DACH2: variants seen among roughly 807,000 people sequenced by gnomAD.
DACH2 encodes dachshund homolog 2.
Under a neutral mutation model 35.8 loss-of-function variants are expected in DACH2, and 17 were observed. That is an observed-to-expected ratio of 0.48 (90% CI 0.33 to 0.71). DACH2 has a LOEUF of 0.71. Among genes scored for constraint, DACH2 ranks in the 30% least tolerant of loss-of-function variants. The pLI is 0.02. For missense variants in DACH2, 469 were observed against 472.7 expected (o/e 0.99, Z 0.07); for synonymous variants, 195 against 177.3 (o/e 1.10, Z -0.79).
At chrX:86,415,115 A>G (rs1452523243) in intron 2 of DACH2, among the ~76,000 whole-genome samples, 3 of 112,015 alleles carry the variant, frequency 2.7e-5, no homozygotes, top group Non-Finnish European at 5.6e-5. Context: ...AAGATGATAT[A>G]CTTCTTCTTG....
chrX:86,427,077 G>A (rs2148165176), intron 2 of DACH2, among the ~76,000 whole-genome samples: 1 of 111,360 alleles, frequency 9.0e-6, no homozygotes, highest in South Asian at 3.7e-4. Context: ...TTCAAAAGGA[G>A]TCAGTCCGGA....
At chrX:86,152,674 C>A (rs749088630) in intron 1 of DACH2, among the ~76,000 whole-genome samples, 1 of 111,686 alleles carries the variant, frequency 9.0e-6, no homozygotes, top group East Asian at 2.8e-4. Flanking sequence ...AAGAACTGTA[C>A]AACATTTTTC....
At chrX:86,567,037 G>T (rs1008351717) in intron 3 of DACH2, among the ~76,000 whole-genome samples, 5 of 111,530 alleles carry the variant, frequency 4.5e-5, no homozygotes, top group Admixed American at 9.6e-5. Context: ...AATGTGCTTG[G>T]ATATATTTCA....
In DACH2 at chrX:86,461,080, A is replaced by G. The variant is rs1316431159; in HGVS notation, c.528-53199A>G. Among the ~76,000 whole-genome samples, 3 of 111,400 alleles carry G rather than the reference A, an allele frequency of 2.7e-5. No homozygotes were observed. In the East Asian group the frequency reaches 8.4e-4, roughly 31 times the overall value. ...TCAAGCAGTTATATATTAACACTTA[A>G]TTAAATGGCCTCACACTGTACCTAT... On this transcript the variant is annotated intron_variant, in intron 2 of 11. Coordinates refer to ENST00000373125, the MANE Select transcript of DACH2 (RefSeq NM_053281.3).
chrX:86,311,343 A>G (rs764701066), intron 1 of DACH2, among the ~76,000 whole-genome samples: 2 of 112,108 alleles, frequency 1.8e-5, no homozygotes, highest in African/African-American at 6.5e-5. Context: ...GCTCAGGCTT[A>G]TGGAATTCAC....
chrX:86,555,389 T>C (rs2039103972), intron 3 of DACH2, among the ~76,000 whole-genome samples: 1 of 111,780 alleles, frequency 8.9e-6, no homozygotes, highest in Non-Finnish European at 1.9e-5. Flanking sequence ...AGTAAATCAT[T>C]CTGGAGGTCC....
At chrX:86,295,052 G>C (rs1385030127) in intron 1 of DACH2, among the ~76,000 whole-genome samples, 1 of 112,728 alleles carries the variant, frequency 8.9e-6, no homozygotes, top group Non-Finnish European at 1.9e-5. Context: ...ATCTTAGACT[G>C]CTGTGCTAGC....
intron 1 of DACH2, among the ~76,000 whole-genome samples, chrX:86,365,370 A>G (rs1255710234): frequency 9.1e-6 from 1 of 110,052 alleles, no homozygotes; most frequent in Non-Finnish European, 1.9e-5. Context: ...TACACTTTTG[A>G]GACAACAGAA....
chrX:86,490,077 G>A (rs765113671), intron 2 of DACH2, among the ~76,000 whole-genome samples: 4 of 111,817 alleles, frequency 3.6e-5, no homozygotes, highest in Admixed American at 1.9e-4. Flanking sequence ...GCCACCATTT[G>A]GACGTAGTTG....
At chrX:86,361,037 C>T in intron 1 of DACH2, among the ~76,000 whole-genome samples, 2 of 111,444 alleles carry the variant, frequency 1.8e-5, no homozygotes, top group Middle Eastern at 9.3e-3. Flanking sequence ...CTGCAATAAA[C>T]TTTCAGAAGT....
At chrX:86,710,565 T>C (rs2041267544) in intron 5 of DACH2, among the ~76,000 whole-genome samples, 1 of 111,820 alleles carries the variant, frequency 8.9e-6, no homozygotes, top group Non-Finnish European at 1.9e-5. Flanking sequence ...CTAAAACTAG[T>C]CTATTTATTT....
At chrX:86,196,832 A>G (rs1384563841) in intron 1 of DACH2, among the ~76,000 whole-genome samples, 1 of 110,605 alleles carries the variant, frequency 9.0e-6, no homozygotes, top group African/African-American at 3.3e-5. Flanking sequence ...CTTCTAAAAC[A>G]TATTTCAGGA....
chrX:86,331,545 C>G (rs767943917), intron 1 of DACH2, among the ~76,000 whole-genome samples: 23 of 111,328 alleles, frequency 2.1e-4, no homozygotes, highest in Non-Finnish European at 4.3e-4. Context: ...TGCCTGTCCT[C>G]CAGGCTGACA....
In DACH2 at chrX:86,746,977, G is replaced by A. The variant is rs1282792030; in HGVS notation, c.1240+7095G>A. ...AACATTTCCTCATTGAATTAAGTAG[G>A]CACCCTCATCAAAAATCACTTCTCT... On this transcript the variant is annotated intron_variant, in intron 7 of 11. Coordinates refer to ENST00000373125, the MANE Select transcript of DACH2 (RefSeq NM_053281.3). Among the ~76,000 whole-genome samples, 18 of 111,031 alleles carry A rather than the reference G, an allele frequency of 1.6e-4. No homozygotes were observed. The Admixed American group carries it at 1.7e-3, about 11-fold the overall frequency.
At chrX:86,557,037 G>C (rs1039595257) in intron 3 of DACH2, among the ~76,000 whole-genome samples, 2 of 108,535 alleles carry the variant, frequency 1.8e-5, no homozygotes, top group Admixed American at 1.0e-4. Context: ...ATAAGTCCAG[G>C]AGTCTGAAGG....
At chrX:86,487,781 T>C (rs771329893) in intron 2 of DACH2, among the ~76,000 whole-genome samples, 8 of 111,972 alleles carry the variant, frequency 7.1e-5, no homozygotes, top group Non-Finnish European at 1.3e-4. Context: ...ATTGGAAAAA[T>C]AAATTTTGAA....
chrX:86,357,475 A>G (rs766093058), intron 1 of DACH2, among the ~76,000 whole-genome samples: 2 of 112,353 alleles, frequency 1.8e-5, no homozygotes, highest in Non-Finnish European at 3.8e-5. Context: ...ACAAGAAAAC[A>G]TAAGAAACAT....
At chrX:86,828,131 T>C (rs919184697) in intron 11 of DACH2, 18 of 170,931 alleles carry the variant, frequency 1.1e-4, no homozygotes, top group Non-Finnish European at 2.0e-4. Context: ...ACAGAGAAAA[T>C]GCTATTTCTA....
At chrX:86,679,128 TTAC>T (rs2040851595) in intron 4 of DACH2, among the ~76,000 whole-genome samples, 1 of 64,181 alleles carries the variant, frequency 1.6e-5, no homozygotes, top group Non-Finnish European at 3.0e-5. Flanking sequence ...TTTTTTATAC[TTAC>T]TTTATAAAAT....
Sources: gnomAD v4.1 joint callset for allele counts (sites outside exome capture counted in the v4.1 genomes callset) on GRCh38, gnomAD v4.1.1 for gene constraint, MANE v1.5 for transcripts, NCBI Gene and HGNC (gene_info 2026-07-23, HGNC 2026-07-21) for gene names.